NRG1: variants seen among roughly 807,000 people sequenced by gnomAD.
NRG1 encodes the protein neuregulin 1.
A neutral mutation model predicts 63.8 loss-of-function variants in NRG1; 18 were observed. That is an observed-to-expected ratio of 0.28 (90% CI 0.19 to 0.42). The LOEUF (loss-of-function observed/expected upper bound fraction) is 0.42. NRG1 is among the 10% of genes least tolerant of loss of function. The pLI is 1.00. For missense variants in NRG1, 762 were observed against 814.7 expected (o/e 0.94, Z 0.79); for synonymous variants, 302 against 301.3 (o/e 1.00, Z -0.02).
intron 1 of NRG1, among the ~76,000 whole-genome samples, chr8:31,667,053 G>T (rs1367766031): frequency 6.6e-6 from 1 of 152,166 alleles, no homozygotes; most frequent in Non-Finnish European, 1.5e-5. Context: ...TCCGGCTCCA[G>T]TGTCTACTTA....
At chr8:31,926,235 G>A (rs1037218069) in intron 1 of NRG1, among the ~76,000 whole-genome samples, 1 of 152,044 alleles carries the variant, frequency 6.6e-6, no homozygotes, top group African/African-American at 2.4e-5. Flanking sequence ...AATGAAAGAC[G>A]GGGCCTTTTT....
At chr8:32,459,964 T>G (rs1056984002) in intron 1 of NRG1, among the ~76,000 whole-genome samples, 1 of 152,244 alleles carries the variant, frequency 6.6e-6, no homozygotes, top group Admixed American at 6.5e-5. Context: ...TAGCAGTCAT[T>G]GAACTTCACA....
intron 1 of NRG1, among the ~76,000 whole-genome samples, chr8:31,944,442 T>G (rs1373416255): frequency 6.6e-6 from 1 of 152,148 alleles, no homozygotes; most frequent in African/African-American, 2.4e-5. Context: ...TAAGAGACAG[T>G]GCTGGGATTC....
intron 5 of NRG1, among the ~76,000 whole-genome samples, chr8:32,641,986 AATATTAGCAT>A (rs1276649274): frequency 6.6e-6 from 1 of 152,138 alleles, no homozygotes; most frequent in Non-Finnish European, 1.5e-5. Flanking sequence ...AAAATAGTTA[AATATTAGCAT>A]ATTCCAAATT....
At chr8:31,854,752 G>A (rs1827660427) in intron 1 of NRG1, among the ~76,000 whole-genome samples, 1 of 151,954 alleles carries the variant, frequency 6.6e-6, no homozygotes, top group African/African-American at 2.4e-5. Context: ...GGCATTTAGT[G>A]CTATAAATTT....
chr8:32,066,082 A>G (rs1318387409), intron 1 of NRG1, among the ~76,000 whole-genome samples: 1 of 152,202 alleles, frequency 6.6e-6, no homozygotes, highest in African/African-American at 2.4e-5. Flanking sequence ...GATTCTGGAT[A>G]TTATCCCTTT....
intron 1 of NRG1, among the ~76,000 whole-genome samples, chr8:32,215,584 C>G (rs1346591919): frequency 6.6e-6 from 1 of 152,136 alleles, no homozygotes; most frequent in African/African-American, 2.4e-5. Flanking sequence ...AGCAACTTGC[C>G]CAAGGTCTCA....
rs536359314 is a variant in NRG1, at chr8:32,671,242, C to G, written c.502+54357C>G. ...GTGACAAAGGCCAGGGATTATTTTGCTTTTCCTCACCTCTTCCTTTGTTCC... is the reference window on the plus strand; with the variant it reads ...GTGACAAAGGCCAGGGATTATTTTGGTTTTCCTCACCTCTTCCTTTGTTCC... On this transcript the variant is annotated intron_variant, in intron 5 of 11. Transcript: ENST00000356819. Among the ~76,000 whole-genome samples, 5 of 151,860 alleles carry G rather than the reference C, an allele frequency of 3.3e-5. No individual in the cohort carries two copies. The East Asian group carries it at 9.7e-4, about 29-fold the overall frequency.
chr8:32,150,692 T>G (rs554830120), intron 1 of NRG1, among the ~76,000 whole-genome samples: 3 of 152,278 alleles, frequency 2.0e-5, no homozygotes, highest in African/African-American at 7.2e-5. Context: ...CCAAACAGAC[T>G]AAGACCCCTG....
At chr8:32,011,572 T>C (rs1247025843) in intron 1 of NRG1, among the ~76,000 whole-genome samples, 1 of 152,094 alleles carries the variant, frequency 6.6e-6, no homozygotes, top group Non-Finnish European at 1.5e-5. Context: ...TTGTTTTTGG[T>C]CAAAAAATTG....
chr8:32,747,732 G>GTGTATATATATATATATA lies in NRG1; in HGVS notation c.691+5000_691+5001insGTATATATATATATATAT, dbSNP rs1264111970. Among the ~76,000 whole-genome samples, 90 of 132,080 alleles carry GTGTATATATATATATATA rather than the reference G, an allele frequency of 6.8e-4. 1 individual carries two copies. The highest frequency in any genetic ancestry group is 3.8e-3 in the Middle Eastern group (1 of 260). 86.6% of individuals were successfully genotyped at this position (132,080 alleles called of 152,430 possible). ...TGTTTGTGTGCATATATGTGTGTGT[G>GTGTATATATATATATATA]TATATATATATATATATATATATAT... On this transcript the variant is annotated intron_variant, in intron 7 of 11. Coordinates refer to ENST00000356819, the Ensembl canonical transcript of NRG1.
intron 6 of NRG1, among the ~76,000 whole-genome samples, chr8:32,736,370 G>C (rs1825063148): frequency 6.6e-6 from 1 of 152,162 alleles, no homozygotes; most frequent in Non-Finnish European, 1.5e-5. Flanking sequence ...CTGGCTAAGA[G>C]GTGAGAAAAG....
At chr8:32,648,356 A>G (rs760329818) in intron 5 of NRG1, 5 of 1,614,060 alleles carry the variant, frequency 3.1e-6, no homozygotes, top group Non-Finnish European at 4.2e-6. Flanking sequence ...AAACAACAGA[A>G]ACTAATCTCC....
At chr8:32,010,291 A>G (rs1814536584) in intron 1 of NRG1, among the ~76,000 whole-genome samples, 1 of 152,114 alleles carries the variant, frequency 6.6e-6, no homozygotes, top group South Asian at 2.1e-4. Context: ...CAATTTATGT[A>G]TTTTGTAATA....
chr8:32,490,328 C>G (rs1389283292), intron 1 of NRG1, among the ~76,000 whole-genome samples: 1 of 151,620 alleles, frequency 6.6e-6, no homozygotes, highest in African/African-American at 2.4e-5. Flanking sequence ...CTGGGGGCCA[C>G]ACAACAGACA....
At chr8:31,963,555 C>CA (rs941909993) in intron 1 of NRG1, among the ~76,000 whole-genome samples, 1 of 152,150 alleles carries the variant, frequency 6.6e-6, no homozygotes, top group Non-Finnish European at 1.5e-5. Context: ...AACTTGTGTA[C>CA]AAAATGCCAT....
At chr8:32,439,668 C>T (rs114775724) in intron 1 of NRG1, among the ~76,000 whole-genome samples, 1,947 of 151,942 alleles carry the variant, frequency 0.013, 35 homozygotes, top group African/African-American at 0.045. Context: ...CTATAAGAAA[C>T]TGCTTATAAT....
chr8:31,838,251 A>T (rs561043570), intron 1 of NRG1, among the ~76,000 whole-genome samples: 4 of 152,224 alleles, frequency 2.6e-5, no homozygotes, highest in African/African-American at 9.6e-5. Context: ...TCACATAAAA[A>T]TTTTAATATA....
chr8:32,542,101 T>C (rs1381713685), intron 1 of NRG1, among the ~76,000 whole-genome samples: 1 of 152,300 alleles, frequency 6.6e-6, no homozygotes. Context: ...TAGGCTCCTC[T>C]GACACCTCAC....
Sources: allele counts gnomAD v4.1 joint callset (sites outside exome capture counted in the v4.1 genomes callset), GRCh38; gene constraint gnomAD v4.1.1; transcripts MANE v1.5; gene names NCBI Gene and HGNC (gene_info 2026-07-23, HGNC 2026-07-21).